EGFLAM: variants seen among roughly 807,000 people sequenced by gnomAD.
The protein encoded by EGFLAM is EGF like, fibronectin type III and laminin G domains.
Under a neutral mutation model 113.1 loss-of-function variants are expected in EGFLAM, and 79 were observed. The ratio of observed to expected loss-of-function variants is 0.70; its 90% CI spans 0.58 to 0.84. The LOEUF (loss-of-function observed/expected upper bound fraction) is 0.84. Ranked by LOEUF, EGFLAM falls within the 40% of genes least tolerant of loss-of-function variation. EGFLAM has a pLI of 0.00. For synonymous variants in EGFLAM, 504 were observed against 487.6 expected (o/e 1.03, Z -0.44); for missense variants, 1,265 against 1,291.6 (o/e 0.98, Z 0.32).
Position 38,354,689 on chromosome 5 carries a change from C to G in EGFLAM, c.545+2358C>G, listed in dbSNP as rs113569352. Among the ~76,000 whole-genome samples the G allele has an allele frequency of 6.1e-3, 932 of 152,280 alleles. 13 individuals carry two copies. Among genetic ancestry groups the G allele is most frequent in the African/African-American group, 0.022 (896 of 41,556 alleles). ...AGGTTGCAGTGAGCCGAGATTACACCACTGCACTCTAGCCTGGAGGACAGA... is the reference window on the plus strand; with the variant it reads ...AGGTTGCAGTGAGCCGAGATTACACGACTGCACTCTAGCCTGGAGGACAGA... On this transcript the variant is annotated intron_variant, in intron 5 of 21. Coordinates refer to ENST00000322350, the MANE Select transcript of EGFLAM (RefSeq NM_152403.4).
At chr5:38,443,769 CTTTTTTTTTT>C (rs11320853) in intron 17 of EGFLAM, among the ~76,000 whole-genome samples, 1 of 133,270 alleles carries the variant, frequency 7.5e-6, no homozygotes, top group African/African-American at 2.8e-5. Flanking sequence ...CCCTTCAACT[CTTTTTTTTTT>C]TTTTTTTTGA....
intron 1 of EGFLAM, among the ~76,000 whole-genome samples, chr5:38,263,466 A>G (rs1757554015): frequency 6.6e-6 from 1 of 152,240 alleles, no homozygotes; most frequent in South Asian, 2.1e-4. Flanking sequence ...TGTCTCAAAA[A>G]AAAGAAACAA....
intron 12 of EGFLAM, among the ~76,000 whole-genome samples, 176 bp from the exon 13 acceptor site, chr5:38,424,791 A>G (rs1298024371): frequency 2.0e-5 from 3 of 152,212 alleles, no homozygotes; most frequent in Non-Finnish European, 2.9e-5. Flanking sequence ...ATTAAAATGA[A>G]GAGCAGGTTC....
intron 3 of EGFLAM, among the ~76,000 whole-genome samples, chr5:38,344,322 C>T (rs1016908273): frequency 2.0e-5 from 3 of 152,114 alleles, no homozygotes; most frequent in Admixed American, 6.6e-5. Context: ...CCCATCTCTA[C>T]TAAAAATACA....
intron 11 of EGFLAM, among the ~76,000 whole-genome samples, chr5:38,413,199 T>A (rs2112147544): frequency 6.9e-6 from 1 of 145,802 alleles, no homozygotes; most frequent in East Asian, 2.0e-4. Flanking sequence ...TTTTTTTTTT[T>A]TTTTTTTTTT....
intron 6 of EGFLAM, among the ~76,000 whole-genome samples, chr5:38,379,662 G>T (rs1271084148): frequency 1.3e-5 from 2 of 151,970 alleles, no homozygotes; most frequent in Admixed American, 1.3e-4. Flanking sequence ...ACAGCAAAGC[G>T]GCTTGTGTTG....
At chr5:38,417,377 A>G (rs1196460549) in intron 11 of EGFLAM, among the ~76,000 whole-genome samples, 1 of 151,802 alleles carries the variant, frequency 6.6e-6, no homozygotes, top group South Asian at 2.1e-4. Flanking sequence ...AAACAAAAAA[A>G]AAAGGCCAAG....
intron 9 of EGFLAM, among the ~76,000 whole-genome samples, chr5:38,408,218 G>A (rs747428614): frequency 1.3e-5 from 2 of 152,202 alleles, no homozygotes; most frequent in Non-Finnish European, 2.9e-5. Context: ...TCCCAGGCCA[G>A]GATTGAGAAG....
chr5:38,403,856 G>T (rs370654364), intron 6 of EGFLAM: 1 of 1,613,748 alleles, frequency 6.2e-7, no homozygotes, highest in African/African-American at 1.3e-5. Context: ...ACACAGATAC[G>T]CTGCATGCAG....
rs1212183266 is a variant in EGFLAM, at chr5:38,318,630, C to T, written c.98-18890C>T. Among the ~76,000 whole-genome samples, 3 of 152,118 alleles carry T rather than the reference C, an allele frequency of 2.0e-5. No individual in the cohort carries two copies. In the East Asian group the frequency reaches 5.8e-4, roughly 30 times the overall value. On this transcript the variant is annotated intron_variant, in intron 1 of 21. Transcript: ENST00000322350. ...TCAAGCGATTCACCTGCCTCAGCCT[C>T]CCGAGTAGCTGGGATTACAGGCACC...
At chr5:38,292,612 A>G (rs1758363489) in intron 1 of EGFLAM, among the ~76,000 whole-genome samples, 1 of 152,156 alleles carries the variant, frequency 6.6e-6, no homozygotes, top group Non-Finnish European at 1.5e-5. Context: ...TATTCCAGGT[A>G]TACTAAAGGG....
At chr5:38,371,623 TACAC>T (rs141810452) in intron 6 of EGFLAM, among the ~76,000 whole-genome samples, 2 of 148,672 alleles carry the variant, frequency 1.3e-5, no homozygotes, top group African/African-American at 2.4e-5. Context: ...CACACACACA[TACAC>T]ACACACACAC....
chr5:38,361,348 C>G (rs1351132864), intron 5 of EGFLAM, among the ~76,000 whole-genome samples: 1 of 152,202 alleles, frequency 6.6e-6, no homozygotes, highest in African/African-American at 2.4e-5. Flanking sequence ...ACTTGCAATA[C>G]TCAGCACACT....
chr5:38,387,464 G>C (rs1740695935), intron 6 of EGFLAM, among the ~76,000 whole-genome samples: 1 of 152,180 alleles, frequency 6.6e-6, no homozygotes, highest in African/African-American at 2.4e-5. Flanking sequence ...TCTCTGATCA[G>C]TAAGTTCCAG....
intron 6 of EGFLAM, among the ~76,000 whole-genome samples, chr5:38,373,121 A>G (rs1224698168): frequency 6.6e-6 from 1 of 152,240 alleles, no homozygotes; most frequent in Non-Finnish European, 1.5e-5. Context: ...AAGATGTACT[A>G]TGAGCCAGGC....
intron 13 of EGFLAM, among the ~76,000 whole-genome samples, chr5:38,425,629 C>T (rs1741980785): frequency 6.6e-6 from 1 of 152,178 alleles, no homozygotes; most frequent in South Asian, 2.1e-4. Flanking sequence ...GATGTTGAGC[C>T]TTTCAGCACT....
chr5:38,278,284 T>C (rs1115972), intron 1 of EGFLAM, among the ~76,000 whole-genome samples: 30,068 of 152,002 alleles, frequency 0.2, 4,398 homozygotes, highest in African/African-American at 0.4. Context: ...AGAACACTCA[T>C]TAGGGAAAGG....
chr5:38,333,966 T>C (rs1291931721), intron 1 of EGFLAM, among the ~76,000 whole-genome samples: 1 of 125,494 alleles, frequency 8.0e-6, no homozygotes, highest in African/African-American at 3.1e-5. Context: ...TCTTTTCACC[T>C]AGGCTGGAAT....
intron 17 of EGFLAM, chr5:38,445,793 G>A: frequency 7.4e-7 from 1 of 1,360,328 alleles, no homozygotes; most frequent in Non-Finnish European, 1.0e-6. Context: ...TGAGTGGTGT[G>A]GGAGCTGGGA....
Sources: allele counts gnomAD v4.1 joint callset (sites outside exome capture counted in the v4.1 genomes callset), GRCh38; gene constraint gnomAD v4.1.1; transcripts MANE v1.5; gene names NCBI Gene and HGNC (gene_info 2026-07-23, HGNC 2026-07-21).